The following CUX1 variants were observed in gnomAD, a reference collection of about 807,000 sequenced individuals.
CUX1 encodes the protein cut like homeobox 1.
Under a neutral mutation model 158.8 loss-of-function variants are expected in CUX1, and 31 were observed. That is an observed-to-expected ratio of 0.20 (90% CI 0.15 to 0.26). CUX1 has a LOEUF of 0.26. CUX1 is among the 10% of genes least tolerant of loss of function. CUX1 has a pLI of 1.00. For missense variants in CUX1, 1,589 were observed against 2,014.6 expected (o/e 0.79, Z 4.04); for synonymous variants, 879 against 862.1 (o/e 1.02, Z -0.34).
At chr7:101,989,213 G>A (rs1488071733) in intron 2 of CUX1, among the ~76,000 whole-genome samples, 1 of 152,014 alleles carries the variant, frequency 6.6e-6, no homozygotes, top group Non-Finnish European at 1.5e-5. Context: ...TAGCATGCAG[G>A]CCTCCGTCCT....
intron 23 of CUX1, among the ~76,000 whole-genome samples, chr7:102,246,544 C>T (rs1219065470): frequency 6.6e-6 from 1 of 150,664 alleles, no homozygotes; most frequent in Non-Finnish European, 1.5e-5. Context: ...GCACAGGACC[C>T]GGCGCAGAGT....
rs782113264 is a variant in CUX1, at chr7:102,176,946, T to TC, written c.829-1521dup. ...AAGTAGAATTACAGATTTGACTTTT[T>TC]CCTTTTTTTTTTTTTAATACCTTAG... On this transcript the variant is annotated intron_variant, in intron 10 of 23. Coordinates refer to ENST00000292535, the MANE Select transcript of CUX1 (RefSeq NM_181552.4). 2.8e-3 allele frequency among the ~76,000 whole-genome samples: 358 copies of TC among 126,902 alleles called. 2 individuals are homozygous for TC. The highest frequency in any genetic ancestry group is 6.8e-3 in the South Asian group (27 of 3,996). 83.3% of individuals were successfully genotyped at this position (126,902 alleles called of 152,430 possible). A position where few individuals can be genotyped will look rare whatever the true frequency, so the allele number is the denominator to read the frequency against.
At chr7:102,282,879 C>G in intron 22 of CUX1, 1 of 964,912 alleles carries the variant, frequency 1.0e-6, no homozygotes, top group Non-Finnish European at 1.6e-6. Context: ...CCTTAGCCCT[C>G]CATCACAGCC....
chr7:101,949,405 C>T (rs1209638087), intron 2 of CUX1, among the ~76,000 whole-genome samples: 1 of 152,082 alleles, frequency 6.6e-6, no homozygotes, highest in Non-Finnish European at 1.5e-5. Flanking sequence ...GCCGGGATTA[C>T]AGGTATAAGC....
chr7:102,243,677 T>TAATAATAATAATAAA (rs544002750), intron 23 of CUX1, among the ~76,000 whole-genome samples: 25 of 139,052 alleles, frequency 1.8e-4, no homozygotes, highest in African/African-American at 3.7e-4. Flanking sequence ...ATAATAATAA[T>TAATAATAATAATAAA]AAAATAAATG....
intron 1 of CUX1, among the ~76,000 whole-genome samples, chr7:101,886,334 T>C (rs181057253): frequency 8.0e-4 from 122 of 152,204 alleles, no homozygotes; most frequent in African/African-American, 2.9e-3. Flanking sequence ...GCTGGGACTA[T>C]AGGTGTGCGC....
In CUX1 at chr7:102,255,041, G is replaced by GCAGA; in HGVS notation, c.*6000_*6003dup. Reference sequence around the variant, plus strand: ...GACGGAAGAGGAGGGGGTGTGGGGGGCAGAGCGTAAAACAAGCCCCAGCCC... The same window carrying GCAGA: ...GACGGAAGAGGAGGGGGTGTGGGGGGCAGACAGAGCGTAAAACAAGCCCCAGCCC... On this transcript the variant is annotated 3_prime_UTR_variant, in exon 24 of 24. Transcript: ENST00000292535. 3 of 985,504 alleles carry GCAGA rather than the reference G, an allele frequency of 3.0e-6. No homozygotes were observed. Among genetic ancestry groups the GCAGA allele is most frequent in the Non-Finnish European group, 3.6e-6 (3 of 830,056 alleles). 61.0% of individuals were successfully genotyped at this position (985,504 alleles called of 1,614,324 possible). A position where few individuals can be genotyped will look rare whatever the true frequency, so the allele number is the denominator to read the frequency against.
chr7:101,876,175 A>T (rs1250624778), intron 1 of CUX1, among the ~76,000 whole-genome samples: 1 of 151,468 alleles, frequency 6.6e-6, no homozygotes, highest in Non-Finnish European at 1.5e-5. Context: ...GCGAAACCCC[A>T]TCTCTACTAA....
intron 23 of CUX1, among the ~76,000 whole-genome samples, chr7:102,241,217 A>C (rs1441417837): frequency 6.6e-6 from 1 of 152,144 alleles, no homozygotes; most frequent in Non-Finnish European, 1.5e-5. Flanking sequence ...CACTGGGATG[A>C]AGTGTTTGGA....
At chr7:101,892,458 G>A (rs1448651258) in intron 1 of CUX1, among the ~76,000 whole-genome samples, 1 of 152,092 alleles carries the variant, frequency 6.6e-6, no homozygotes, top group Admixed American at 6.6e-5. Context: ...CCCTCATTTA[G>A]ACATCCAGGA....
In CUX1 at chr7:102,097,486, G is replaced by A. The variant is rs782020138; in HGVS notation, c.391G>A (p.Glu131Lys). ...TLEEYNKEFA[E>K]VKNQEVTIKA... ...GGAAGAATACAACAAGGAATTTGCTGAAGTGAAAAATCAAGGTTGGTGGAA... is the reference window on the plus strand; with the variant it reads ...GGAAGAATACAACAAGGAATTTGCTAAAGTGAAAAATCAAGGTTGGTGGAA... Residue 131 changes from glutamate (E) to lysine (K), a missense_variant, in exon 5 of 24, where the codon GAA (glutamate) becomes AAA (lysine). Transcript: ENST00000292535. 1.7e-5 allele frequency: 27 copies of A among 1,599,064 alleles called. No individual in the cohort carries two copies. The highest frequency in any genetic ancestry group is 2.3e-5 in the Non-Finnish European group (27 of 1,176,566).
intron 2 of CUX1, among the ~76,000 whole-genome samples, chr7:101,937,223 C>T (rs1807050717): frequency 6.6e-6 from 1 of 152,178 alleles, no homozygotes; most frequent in African/African-American, 2.4e-5. Context: ...AGCACCCCAG[C>T]CCCCAGCTCC....
intron 3 of CUX1, among the ~76,000 whole-genome samples, chr7:102,059,355 CGGGTACAGT>C (rs988735881): frequency 1.3e-5 from 2 of 152,070 alleles, no homozygotes; most frequent in Non-Finnish European, 2.9e-5. Flanking sequence ...TAAGTGGGAC[CGGGTACAGT>C]GGCTCACACC....
At chr7:101,904,223 C>G (rs1389855428) in intron 1 of CUX1, among the ~76,000 whole-genome samples, 1 of 152,026 alleles carries the variant, frequency 6.6e-6, no homozygotes, top group Non-Finnish European at 1.5e-5. Context: ...TTGCTTGAGC[C>G]CAGGAGTTCG....
chr7:101,867,098 T>A (rs1371882809), intron 1 of CUX1, among the ~76,000 whole-genome samples: 4 of 152,118 alleles, frequency 2.6e-5, no homozygotes, highest in Non-Finnish European at 5.9e-5. Context: ...GTGCCTGTAA[T>A]CCCACCTACC....
intron 3 of CUX1, among the ~76,000 whole-genome samples, chr7:102,028,879 G>C (rs1197536279): frequency 6.6e-6 from 1 of 151,946 alleles, no homozygotes; most frequent in Admixed American, 6.6e-5. Context: ...CACCTCTTTA[G>C]CTTCTCCCGA....
chr7:101,939,577 A>G (rs1040640993), intron 2 of CUX1, among the ~76,000 whole-genome samples: 4 of 152,062 alleles, frequency 2.6e-5, no homozygotes, highest in African/African-American at 9.7e-5. Context: ...CATGCCTGTA[A>G]TCCCAGTACT....
At chr7:102,133,996 G>T (rs1833625248) in intron 8 of CUX1, among the ~76,000 whole-genome samples, 1 of 152,092 alleles carries the variant, frequency 6.6e-6, no homozygotes, top group African/African-American at 2.4e-5. Flanking sequence ...TTGTTATTTA[G>T]TGCAACAGTA....
chr7:101,898,652 G>A (rs563247363), intron 1 of CUX1, among the ~76,000 whole-genome samples: 5 of 147,674 alleles, frequency 3.4e-5, no homozygotes, highest in South Asian at 4.3e-4. Flanking sequence ...GTGCAGCGGC[G>A]CGACCTTGGC....
Sources: allele counts gnomAD v4.1 joint callset (sites outside exome capture counted in the v4.1 genomes callset), GRCh38; gene constraint gnomAD v4.1.1; transcripts MANE v1.5; gene names NCBI Gene and HGNC (gene_info 2026-07-23, HGNC 2026-07-21).